Variants in AHCY observed in about 807,000 individuals in gnomAD.
The protein encoded by AHCY is adenosylhomocysteinase.
A neutral mutation model predicts 45.4 loss-of-function variants in AHCY; 24 were observed. That is an observed-to-expected ratio of 0.53 (90% CI 0.38 to 0.74). The LOEUF is 0.74. AHCY is among the 30% of genes least tolerant of loss of function. The pLI, the probability that AHCY is intolerant of heterozygous loss-of-function variation, is 0.00. For missense variants in AHCY, 449 were observed against 594.1 expected, an observed-to-expected ratio of 0.76 and a Z score of 2.54; for synonymous variants, 245 against 235.1, an observed-to-expected ratio of 1.04 and a Z score of -0.39.
Position 34,295,453 on chromosome 20 carries a change from A to T in AHCY, c.161T>A (p.Leu54Gln), listed in dbSNP as rs375137307. ...GACGGCCGTCTCCACGGTCATGTGC[A>T]GGCAGCCAGCGATGCGGGCGCCCTT... The part of the protein sequence containing the change: ...PLKGARIAGC[L>Q]HMTVETAVLI... Residue 54 changes from leucine (L) to glutamine (Q), a missense_variant, in exon 2 of 10, where the codon CTG (leucine) becomes CAG (glutamine). By Grantham distance (113) the Leu-to-Gln change is moderately radical. Transcript: ENST00000217426. The T allele has an allele frequency of 6.2e-7, 1 of 1,614,032 alleles. No homozygotes were observed. The highest frequency in any genetic ancestry group is 8.5e-7 in the Non-Finnish European group (1 of 1,180,040).
the AHCY span, among the ~76,000 whole-genome samples, chr20:34,269,983 G>GA: frequency 1.2e-5 from 1 of 84,032 alleles, no homozygotes; most frequent in Non-Finnish European, 2.4e-5. Context: ...AAAAAAACAA[G>GA]AAAAAAGAAA....
At chr20:34,262,768 C>T in the AHCY span, 1 of 1,587,262 alleles carries the variant, frequency 6.3e-7, no homozygotes. Context: ...CTGCCCCTCT[C>T]ACTTCACTGC....
chr20:34,261,763 T>C, the AHCY span, among the ~76,000 whole-genome samples: 3 of 150,430 alleles, frequency 2.0e-5, no homozygotes, highest in Admixed American at 6.6e-5. Context: ...GATCACACCA[T>C]TGCACTCCAG....
At position 34,286,188 on chromosome 20, in the gene AHCY, C is replaced by T. The variant is rs114253950; in HGVS notation, c.973-554G>A. 3.5e-3 allele frequency: 633 copies of T among 179,040 alleles called. 5 individuals carry two copies. The highest frequency in any genetic ancestry group is 0.014 in the African/African-American group (606 of 41,896). 11.1% of individuals were successfully genotyped at this position (179,040 alleles called of 1,614,324 possible). ...GCTGTGAGAACTTCACGTGCTCACACTTGCTTGGCGCATATGAGGCACTCA... is the reference window on the plus strand; with the variant it reads ...GCTGTGAGAACTTCACGTGCTCACATTTGCTTGGCGCATATGAGGCACTCA... On this transcript the variant is annotated intron_variant, in intron 8 of 9. Transcript: ENST00000217426.
At chr20:34,263,111 G>A in the AHCY span, among the ~76,000 whole-genome samples, 3 of 152,168 alleles carry the variant, frequency 2.0e-5, no homozygotes, top group African/African-American at 7.2e-5. Context: ...AATAGGTTAC[G>A]AAAAGCAGCT....
At chr20:34,302,557 A>G (rs2036813944) in intron 1 of AHCY, 2 of 937,070 alleles carry the variant, frequency 2.1e-6, no homozygotes, top group African/African-American at 1.8e-5. Flanking sequence ...GAATAAAGCT[A>G]GAAGGCAGTG....
Position 34,303,133 on chromosome 20 carries a change from G to A in AHCY, c.28+110C>T, listed in dbSNP as rs1018332102. On this transcript the variant is annotated intron_variant, in intron 1 of 9. Coordinates refer to ENST00000217426, the MANE Select transcript of AHCY (RefSeq NM_000687.4). The stretch of plus-strand genomic sequence containing the variant: ...GCGCGGCCAGAAACGCGCCGAGGCT[G>A]CGATTCCAGGGGGTCCAGAGAGCCC... The A allele has an allele frequency of 6.1e-5, 92 of 1,507,008 alleles. No individual in the cohort carries two copies. The African/African-American group carries it at 1.2e-3, about 20-fold the overall frequency. The allele number at this position is 1,507,008 out of a possible 1,614,324, so 93.4% of individuals were successfully genotyped here. A position where few individuals can be genotyped will look rare whatever the true frequency, so the allele number is the denominator to read the frequency against.
the AHCY span, among the ~76,000 whole-genome samples, chr20:34,235,877 GGAA>G: frequency 9.5e-6 from 1 of 105,260 alleles, no homozygotes; most frequent in African/African-American, 5.3e-5. Context: ...AAGGAAGGAA[GGAA>G]GGAAGGAAGG....
chr20:34,271,803 T>A, the AHCY span, among the ~76,000 whole-genome samples: 2 of 151,822 alleles, frequency 1.3e-5, no homozygotes, highest in East Asian at 3.9e-4. Context: ...GACCTCAAAC[T>A]ATCTGCCCAC....
In AHCY at chr20:34,290,236, C is replaced by T; in HGVS notation, c.972+96G>A. ...GCCCTCTTCTCCCCATCCCCCTGCA[C>T]AGGTTGCCACCATCTCCTCAGCTCT... On this transcript the variant is annotated intron_variant, in intron 8 of 9. Transcript: ENST00000217426. The surrounding 1 kb of genome is among the most constrained non-coding windows in gnomAD (Gnocchi z 4.5). 8.4e-7 allele frequency: 1 copy of T among 1,192,544 alleles called. No homozygotes were observed. The highest frequency in any genetic ancestry group is 1.2e-6 in the Non-Finnish European group (1 of 806,186). The allele number at this position is 1,192,544 out of a possible 1,614,324, so 73.9% of individuals were successfully genotyped here. A position where few individuals can be genotyped will look rare whatever the true frequency, so the allele number is the denominator to read the frequency against.
chr20:34,235,949 G>A, the AHCY span, among the ~76,000 whole-genome samples: 1 of 129,962 alleles, frequency 7.7e-6, no homozygotes, highest in Non-Finnish European at 1.5e-5. Context: ...AGGGAAGAAG[G>A]AAGGAAGGAA....
At chr20:34,254,819 A>G in the AHCY span, among the ~76,000 whole-genome samples, 7 of 152,184 alleles carry the variant, frequency 4.6e-5, no homozygotes, top group Non-Finnish European at 8.8e-5. Context: ...TAGAATATAC[A>G]TATCCCTCCA....
intron 1 of AHCY, among the ~76,000 whole-genome samples, chr20:34,301,197 G>A (rs2036758942): frequency 1.3e-5 from 2 of 152,168 alleles, no homozygotes; most frequent in Non-Finnish European, 2.9e-5. Flanking sequence ...AGCCAGGCAG[G>A]GCTAGAGCAG....
At chr20:34,260,593 G>A in the AHCY span, 1 of 1,513,360 alleles carries the variant, frequency 6.6e-7, no homozygotes, top group Non-Finnish European at 9.0e-7. Context: ...GATCAAGCAT[G>A]CTTCCCAGGG....
chr20:34,233,010 C>T, the AHCY span, among the ~76,000 whole-genome samples: 2 of 152,152 alleles, frequency 1.3e-5, no homozygotes, highest in Admixed American at 1.3e-4. Flanking sequence ...GTACTGGGAT[C>T]GTTGTTCTCC....
intron 9 of AHCY, among the ~76,000 whole-genome samples, chr20:34,281,410 C>T (rs1201433448): frequency 6.6e-6 from 1 of 152,210 alleles, no homozygotes; most frequent in Non-Finnish European, 1.5e-5. Context: ...TCAATCACAT[C>T]TCCTTCCTCA....
At chr20:34,245,065 G>C in the AHCY span, among the ~76,000 whole-genome samples, 4 of 152,246 alleles carry the variant, frequency 2.6e-5, no homozygotes, top group Admixed American at 2.0e-4. Context: ...GCCGGGCACA[G>C]TGGCTCATGC....
At chr20:34,257,143 G>A in the AHCY span, among the ~76,000 whole-genome samples, 1 of 149,440 alleles carries the variant, frequency 6.7e-6, no homozygotes, top group Admixed American at 6.7e-5. Context: ...GAGTGAAGTG[G>A]TACGATCTCA....
the AHCY span, among the ~76,000 whole-genome samples, chr20:34,256,452 G>A: frequency 7.9e-5 from 12 of 152,116 alleles, no homozygotes; most frequent in South Asian, 2.1e-4. Flanking sequence ...GGCTGGACCC[G>A]ATAACACCCG....
Sources: gnomAD v4.1 joint callset for allele counts (sites outside exome capture counted in the v4.1 genomes callset) on GRCh38, gnomAD v4.1.1 for gene constraint, Gnocchi (gnomAD v3.1) non-coding constraint, MANE v1.5 for transcripts, NCBI Gene and HGNC (gene_info 2026-07-23, HGNC 2026-07-21) for gene names.